GSTM4: variants seen among roughly 807,000 people sequenced by gnomAD.
GSTM4 encodes the protein GST class-mu 4.
GSTM4 carries 27 observed loss-of-function variants against 30.1 expected under a neutral mutation model. The ratio of observed to expected loss-of-function variants is 0.90; its 90% confidence interval spans 0.66 to 1.24. The LOEUF is 1.24. GSTM4 is among the 50% of genes most tolerant of loss of function. The pLI, the probability that GSTM4 is intolerant of heterozygous loss-of-function variation, is 0.00. For missense variants in GSTM4, 238 were observed against 272.1 expected, an observed-to-expected ratio of 0.87 and a Z score of 0.88; for synonymous variants, 94 against 96.2, an observed-to-expected ratio of 0.98 and a Z score of 0.13.
downstream of GSTM4, among the ~76,000 whole-genome samples, chr1:109,667,186 A>AACT (rs150399831): frequency 6.7e-6 from 1 of 149,538 alleles, no homozygotes; most frequent in Non-Finnish European, 1.5e-5. Flanking sequence ...ACTAATATTA[A>AACT]AATAATAATA....
At chr1:109,666,931 T>C (rs952721574), downstream of GSTM4, among the ~76,000 whole-genome samples, 9 of 152,156 alleles carry the variant, frequency 5.9e-5, no homozygotes, top group Non-Finnish European at 1.2e-4. Context: ...TTTCACCACG[T>C]TGGCTGGGTT....
downstream of GSTM4, chr1:109,661,772 G>GCCA: frequency 1.1e-6 from 1 of 947,512 alleles, no homozygotes; most frequent in Non-Finnish European, 1.3e-6. Flanking sequence ...CTGAGGGACT[G>GCCA]GCTGGTGACC....
At chr1:109,665,178 C>T (rs1044532174), downstream of GSTM4, 4 of 705,836 alleles carry the variant, frequency 5.7e-6, no homozygotes, top group Admixed American at 2.0e-5. Context: ...AGGAGGCATC[C>T]ACCAAACTGT....
chr1:109,663,724 C>A (rs1395714579), downstream of GSTM4, among the ~76,000 whole-genome samples: 1 of 152,020 alleles, frequency 6.6e-6, no homozygotes, highest in African/African-American at 2.4e-5. Context: ...TATTACACTT[C>A]AATGAAAAGC....
chr1:109,657,528 G>T, intron 3 of GSTM4, 62 bp from the exon 4 acceptor site: 1 of 1,611,102 alleles, frequency 6.2e-7, no homozygotes, highest in South Asian at 1.1e-5. Flanking sequence ...CTTGCATATG[G>T]GAAGGGGATG....
intron 3 of GSTM4, 52 bp downstream of exon 3, chr1:109,657,331 CT>C (rs773425875): frequency 6.9e-6 from 11 of 1,594,730 alleles, no homozygotes; most frequent in Admixed American, 5.0e-5. Context: ...GTGTCTCTGA[CT>C]GCATCTCCTC....
chr1:109,656,718 C>T lies in GSTM4; in HGVS notation c.43C>T (p.His15Tyr). Residue 15 changes from histidine to tyrosine, a missense_variant, in exon 2 of 8, where the codon CAC (histidine) becomes TAC (tyrosine). Transcript: ENST00000369836. ...LGYWDIRGLA[H>Y]AIRLLLEYTD... ...TGCGGGCCATCTCTTCCAGCTGGCC[C>T]ACGCCATCCGCCTGCTCCTGGAATA... The T allele has an allele frequency of 6.2e-7, 1 of 1,613,892 alleles. No homozygotes were observed. Among genetic ancestry groups the T allele is most frequent in the Non-Finnish European group, 8.5e-7 (1 of 1,179,896 alleles).
downstream of GSTM4, among the ~76,000 whole-genome samples, chr1:109,663,526 CGTG>C (rs776349427): frequency 9.2e-5 from 14 of 152,024 alleles, no homozygotes; most frequent in African/African-American, 1.7e-4. Context: ...ATCAGCCAGG[CGTG>C]GTGGCAGCGC....
chr1:109,656,171 A>T lies in GSTM4; in HGVS notation c.-219A>T, dbSNP rs1245567556. ...ATCTTACTCCTTCCAGCCAGTGAGG[A>T]TCCAGCAACCTGCTCCGTGCCTCCC... On this transcript the variant is annotated 5_prime_UTR_variant, in exon 1 of 8. Transcript: ENST00000369836. 1.6e-5 allele frequency: 9 copies of T among 563,244 alleles called. No individual in the cohort carries two copies. The highest frequency in any genetic ancestry group is 3.0e-5 in the Non-Finnish European group (9 of 303,730). The allele number at this position is 563,244 out of a possible 1,614,324, so 34.9% of individuals were successfully genotyped here.
chr1:109,664,937 TA>T, downstream of GSTM4: 1 of 1,574,924 alleles, frequency 6.3e-7, no homozygotes, highest in South Asian at 1.1e-5. Flanking sequence ...GGAGAAAGGT[TA>T]AAGAATGATC....
Position 109,656,345 on chromosome 1 carries a change from CA to C in GSTM4, c.-44del. ...GGGAACCCCAGAGGAGGTCGCAGTTCAGCCCAGCTGAGGCCTGTCTGCAGAA... is the reference window on the plus strand; with the variant it reads ...GGGAACCCCAGAGGAGGTCGCAGTTCGCCCAGCTGAGGCCTGTCTGCAGAA... On this transcript the variant is annotated 5_prime_UTR_variant, in exon 1 of 8. Coordinates refer to ENST00000369836, the MANE Select transcript of GSTM4 (RefSeq NM_000850.5). 5 of 1,604,998 alleles carry C rather than the reference CA, an allele frequency of 3.1e-6. No homozygotes were observed. Among genetic ancestry groups the C allele is most frequent in the Non-Finnish European group, 4.3e-6 (5 of 1,171,904 alleles).
chr1:109,661,308 A>G lies in GSTM4; in HGVS notation c.*54A>G. On this transcript the variant is annotated 3_prime_UTR_variant, in exon 8 of 8. Coordinates refer to ENST00000369836, the MANE Select transcript of GSTM4 (RefSeq NM_000850.5). ...GGAGCCCATACTCAGCCTGCTGCCC[A>G]GGCTGTGCAGCGCAGCTGGACTCTG... The G allele has an allele frequency of 6.2e-7, 1 of 1,611,884 alleles. No homozygotes were observed. The highest frequency in any genetic ancestry group is 2.2e-5 in the East Asian group (1 of 44,852).
intron 7 of GSTM4, chr1:109,659,701 G>A: frequency 2.6e-6 from 1 of 390,288 alleles, no homozygotes; most frequent in South Asian, 2.0e-5. Context: ...TACATATGTG[G>A]GTGCCCCTGT....
At chr1:109,658,348 G>T in intron 5 of GSTM4, 1 of 214,904 alleles carries the variant, frequency 4.7e-6, no homozygotes, top group Non-Finnish European at 9.3e-6. Flanking sequence ...CGGCCAGAGG[G>T]CCTTTGTTCC....
intron 5 of GSTM4, 153 bp from the exon 6 acceptor site, chr1:109,658,661 A>T (rs1367056053): frequency 1.5e-6 from 1 of 671,756 alleles, no homozygotes; most frequent in Non-Finnish European, 2.7e-6. Flanking sequence ...TTGGAGTGTA[A>T]TAAATGCTGG....
At chr1:109,656,587 T>TGTGTGTGTGTGTGA in intron 1 of GSTM4, 125 bp from the exon 2 acceptor site, 1 of 601,884 alleles carries the variant, frequency 1.7e-6, no homozygotes, top group Non-Finnish European at 2.9e-6. Context: ...TGTGTGTGTG[T>TGTGTGTGTGTGTGA]GTGCGTGCGC....
chr1:109,657,393 A>T, intron 3 of GSTM4, 114 bp downstream of exon 3: 1 of 1,464,596 alleles, frequency 6.8e-7, no homozygotes, highest in South Asian at 1.1e-5. Flanking sequence ...AATTCCTCTC[A>T]CTCCTGGTTG....
downstream of GSTM4, among the ~76,000 whole-genome samples, chr1:109,664,400 C>T (rs1392364834): frequency 2.1e-5 from 2 of 97,340 alleles, no homozygotes; most frequent in African/African-American, 7.6e-5. Context: ...TACTCTGTCA[C>T]CCAGGCTGGA....
intron 7 of GSTM4, chr1:109,660,042 T>G: frequency 1.0e-5 from 2 of 194,230 alleles, no homozygotes; most frequent in South Asian, 1.7e-4. Flanking sequence ...TGAATTTGTT[T>G]GAGAGCAGCA....
Sources: gnomAD v4.1 joint callset for allele counts (sites outside exome capture counted in the v4.1 genomes callset) on GRCh38, gnomAD v4.1.1 for gene constraint, MANE v1.5 for transcripts, NCBI Gene and HGNC (gene_info 2026-07-23, HGNC 2026-07-21) for gene names.